CACNG4: variants seen among roughly 807,000 people sequenced by gnomAD.
CACNG4 encodes the protein calcium voltage-gated channel auxiliary subunit gamma 4.
A neutral mutation model predicts 22.9 loss-of-function variants in CACNG4; 8 were observed. That is an observed-to-expected ratio of 0.35 (90% CI 0.21 to 0.63). CACNG4 has a LOEUF of 0.63. Among genes scored for constraint, CACNG4 ranks in the 30% least tolerant of loss-of-function variants. The probability of loss-of-function intolerance (pLI) is 0.72; values close to 1 mark genes in which losing one functional copy is unlikely to be tolerated. For missense variants in CACNG4, 357 were observed against 455.4 expected (o/e 0.78, Z 1.97); for synonymous variants, 188 against 191.9 (o/e 0.98, Z 0.17).
At chr17:67,009,250 C>G (rs549975060) in intron 1 of CACNG4, among the ~76,000 whole-genome samples, 1 of 152,178 alleles carries the variant, frequency 6.6e-6, no homozygotes, top group Admixed American at 6.5e-5. Flanking sequence ...AACTTTCTGT[C>G]ATGGAACCCC....
rs764243170 is a variant in CACNG4 at position 67,031,732 on chromosome 17, C to T, written c.*728C>T. On this transcript the variant is annotated 3_prime_UTR_variant, in exon 4 of 4. Transcript: ENST00000262138. This position sits in a 1 kb window ranked among gnomAD's most constrained non-coding sequence, Gnocchi z 4.0. ...TTTGCTTCTGGAAGTTTCTGCCTCACTCAGAATGGGCAGGACAGACCCACT... is the reference window on the plus strand; with the variant it reads ...TTTGCTTCTGGAAGTTTCTGCCTCATTCAGAATGGGCAGGACAGACCCACT... 2.2e-6 allele frequency: 1 copy of T among 456,200 alleles called. No homozygotes were observed. The highest frequency in any genetic ancestry group is 1.5e-5 in the South Asian group (1 of 64,564). The allele number at this position is 456,200 out of a possible 1,614,324, so 28.3% of individuals were successfully genotyped here.
At chr17:66,983,331 G>A (rs1315401262) in intron 1 of CACNG4, among the ~76,000 whole-genome samples, 2 of 152,208 alleles carry the variant, frequency 1.3e-5, no homozygotes, top group Non-Finnish European at 2.9e-5. Flanking sequence ...CCTGCTGCAC[G>A]CTGGGGAAAA....
rs182059541 is a variant in CACNG4 at position 66,970,228 on chromosome 17, G to A, written c.220+5097G>A. On this transcript the variant is annotated intron_variant, in intron 1 of 3. Coordinates refer to ENST00000262138, the MANE Select transcript of CACNG4 (RefSeq NM_014405.4). ...GGATCACGGCCAAGGTGGAACATAG[G>A]AGCTCTTCTGTCCACTAGTCAGGGG... Among the ~76,000 whole-genome samples the A allele has an allele frequency of 2.0e-5, 3 of 152,346 alleles. No homozygotes were observed. The East Asian group carries it at 5.8e-4, about 29-fold the overall frequency.
At chr17:66,965,232 A>T in intron 1 of CACNG4, 101 bp downstream of exon 1, 1 of 646,062 alleles carries the variant, frequency 1.5e-6, no homozygotes. Flanking sequence ...ACACGCGCAC[A>T]CACTGCCCGG....
Position 67,030,513 on chromosome 17 carries a change from G to A in CACNG4, c.493G>A (p.Gly165Ser). Residue 165 changes from glycine (G) to serine (S), a missense_variant, in exon 4 of 4, where the codon GGT (glycine) becomes AGT (serine). Coordinates refer to ENST00000262138, the MANE Select transcript of CACNG4 (RefSeq NM_014405.4). The surrounding 1 kb of genome is among the most constrained non-coding windows in gnomAD (Gnocchi z 6.4). ...CATCGTCTACATTTCCAGCAACACA[G>A]GTGACCCGAGTGACAAGCGGGACGA... The part of the protein sequence containing the change: ...GIIVYISSNT[G>S]DPSDKRDEDK... The A allele has an allele frequency of 6.2e-7, 1 of 1,614,086 alleles. No homozygotes were observed. Among genetic ancestry groups the A allele is most frequent in the African/African-American group, 1.3e-5 (1 of 74,980 alleles).
chr17:66,993,733 G>A (rs976874038), intron 1 of CACNG4, among the ~76,000 whole-genome samples: 3 of 152,130 alleles, frequency 2.0e-5, no homozygotes, highest in African/African-American at 7.2e-5. Context: ...AGCCTCCCAA[G>A]TAGCTGGGAC....
At chr17:67,021,035 C>CA (rs768190585) in intron 2 of CACNG4, among the ~76,000 whole-genome samples, 1 of 152,006 alleles carries the variant, frequency 6.6e-6, no homozygotes, top group African/African-American at 2.4e-5. Context: ...CTCATCTTTA[C>CA]AAAAAATAAA....
chr17:67,004,371 A>C (rs1448689968), intron 1 of CACNG4, among the ~76,000 whole-genome samples: 1 of 152,170 alleles, frequency 6.6e-6, no homozygotes, highest in Non-Finnish European at 1.5e-5. Context: ...GTGTTGGAGG[A>C]GGCGTGAGGC....
chr17:67,008,272 G>A (rs1039732571), intron 1 of CACNG4, among the ~76,000 whole-genome samples: 18 of 152,140 alleles, frequency 1.2e-4, no homozygotes, highest in African/African-American at 1.4e-4. Context: ...CTGGAGTTTC[G>A]CTCAGGAACC....
intron 1 of CACNG4, among the ~76,000 whole-genome samples, chr17:66,991,615 A>C (rs920350245): frequency 4.6e-5 from 7 of 152,302 alleles, no homozygotes; most frequent in African/African-American, 1.7e-4. Context: ...CGGGCCTGCG[A>C]GGATGTGTGT....
intron 1 of CACNG4, among the ~76,000 whole-genome samples, chr17:66,978,178 T>C (rs2035249509): frequency 6.6e-6 from 1 of 152,200 alleles, no homozygotes; most frequent in African/African-American, 2.4e-5. Flanking sequence ...TCCTACTAGC[T>C]GTGGGGCCTT....
At chr17:67,021,137 G>T (rs2035529198) in intron 2 of CACNG4, among the ~76,000 whole-genome samples, 1 of 152,048 alleles carries the variant, frequency 6.6e-6, no homozygotes. Context: ...GGAAGTTGAG[G>T]CTGCAGTGAG....
chr17:66,999,865 C>T (rs906566562), intron 1 of CACNG4, among the ~76,000 whole-genome samples: 9 of 152,200 alleles, frequency 5.9e-5, no homozygotes, highest in Non-Finnish European at 1.5e-5. Flanking sequence ...GCTCCTTGTC[C>T]GGGCTGTCTG....
chr17:66,977,288 T>C (rs2035243740), intron 1 of CACNG4, among the ~76,000 whole-genome samples: 1 of 152,228 alleles, frequency 6.6e-6, no homozygotes, highest in Non-Finnish European at 1.5e-5. Flanking sequence ...GCTCATTCCC[T>C]GATACCTGAA....
intron 3 of CACNG4, among the ~76,000 whole-genome samples, chr17:67,025,878 G>A (rs1359960619): frequency 2.6e-5 from 4 of 152,240 alleles, no homozygotes; most frequent in Non-Finnish European, 2.9e-5. Flanking sequence ...CTCTGCAGCC[G>A]CCATTGGGGA....
intron 2 of CACNG4, among the ~76,000 whole-genome samples, chr17:67,022,774 G>A (rs1391582366): frequency 6.6e-6 from 1 of 152,216 alleles, no homozygotes. Flanking sequence ...AGGTGCTTGG[G>A]AAAGGCCGAG....
chr17:67,002,608 ATCTCTCTCTT>A, intron 1 of CACNG4, among the ~76,000 whole-genome samples: 1 of 136,412 alleles, frequency 7.3e-6, no homozygotes, highest in African/African-American at 2.9e-5. Context: ...TCCACCTCTC[ATCTCTCTCTT>A]TCTCTCTCTC....
chr17:67,014,512 G>A (rs2035485702), intron 1 of CACNG4, among the ~76,000 whole-genome samples: 1 of 152,178 alleles, frequency 6.6e-6, no homozygotes, highest in Non-Finnish European at 1.5e-5. Flanking sequence ...AGAAGAAAGT[G>A]CCAATGTGGT....
intron 1 of CACNG4, among the ~76,000 whole-genome samples, chr17:66,983,317 C>T (rs1250378031): frequency 6.6e-6 from 1 of 152,238 alleles, no homozygotes; most frequent in East Asian, 1.9e-4. Flanking sequence ...AAAACAGTCA[C>T]ATGCCTGCTG....
Sources: allele counts gnomAD v4.1 joint callset (sites outside exome capture counted in the v4.1 genomes callset), GRCh38; gene constraint gnomAD v4.1.1; non-coding constraint Gnocchi (gnomAD v3.1); transcripts MANE v1.5; gene names NCBI Gene and HGNC (gene_info 2026-07-23, HGNC 2026-07-21).